The following CACNA1E variants were observed in gnomAD, a reference collection of about 807,000 sequenced individuals.
The protein encoded by CACNA1E is voltage-dependent R-type calcium channel subunit alpha-1E.
CACNA1E carries 40 observed loss-of-function variants against 259.2 expected under a neutral mutation model. The ratio of observed to expected loss-of-function variants is 0.15; its 90% confidence interval spans 0.12 to 0.20. CACNA1E has a LOEUF of 0.20. Ranked by LOEUF, CACNA1E falls within the 10% of genes least tolerant of loss-of-function variation. The pLI is 1.00. For missense variants in CACNA1E, 1,874 were observed against 3,040.1 expected (o/e 0.62, Z 9.02); for synonymous variants, 1,104 against 1,138.5 (o/e 0.97, Z 0.61).
intron 1 of CACNA1E, among the ~76,000 whole-genome samples, chr1:181,377,830 A>G (rs1655201504): frequency 6.6e-6 from 1 of 152,224 alleles, no homozygotes; most frequent in Non-Finnish European, 1.5e-5. Flanking sequence ...CCAATAAACA[A>G]ATACAATGAG....
At chr1:181,721,182 C>G (rs1306767768) in intron 15 of CACNA1E, among the ~76,000 whole-genome samples, 1 of 152,148 alleles carries the variant, frequency 6.6e-6, no homozygotes, top group Non-Finnish European at 1.5e-5. Context: ...ATCTTCTAAC[C>G]CATTTAATGA....
intron 6 of CACNA1E, among the ~76,000 whole-genome samples, chr1:181,581,980 A>G (rs1651589392): frequency 6.6e-6 from 1 of 152,242 alleles, no homozygotes; most frequent in African/African-American, 2.4e-5. Flanking sequence ...AGCTTTGGAT[A>G]TAATTTACAC....
intron 20 of CACNA1E, among the ~76,000 whole-genome samples, 157 bp downstream of exon 20, chr1:181,733,191 T>C (rs374418881): frequency 5.1e-4 from 78 of 152,334 alleles, no homozygotes; most frequent in African/African-American, 1.8e-3. Context: ...TAACAGGCAG[T>C]GGGCTCTGTC....
chr1:181,758,205 TG>T lies in CACNA1E; in HGVS notation c.4494+95del. ...ACACCCCAACATCCCAGCCCATCAC[TG>T]CTTTACCTACTTTTCCATCATTGAA... On this transcript the variant is annotated intron_variant, in intron 31 of 47. Transcript: ENST00000367573. This position sits in a 1 kb window ranked among gnomAD's most constrained non-coding sequence, Gnocchi z 4.2. The T allele has an allele frequency of 9.2e-7, 1 of 1,088,472 alleles. No homozygotes were observed. The highest frequency in any genetic ancestry group is 1.5e-5 in the South Asian group (1 of 68,112). The allele number at this position is 1,088,472 out of a possible 1,614,324, so 67.4% of individuals were successfully genotyped here.
intron 32 of CACNA1E, among the ~76,000 whole-genome samples, 195 bp downstream of exon 32, chr1:181,759,063 C>T (rs1018572573): frequency 6.6e-6 from 1 of 152,196 alleles, no homozygotes; most frequent in African/African-American, 2.4e-5. Context: ...GCAAAGGAAG[C>T]CACAGCCATC....
intron 1 of CACNA1E, among the ~76,000 whole-genome samples, chr1:181,493,912 G>A (rs1022815173): frequency 2.0e-5 from 3 of 152,336 alleles, no homozygotes; most frequent in African/African-American, 7.2e-5. Flanking sequence ...GAGCCACTCT[G>A]CACATTGCGC....
At chr1:181,388,670 C>T (rs141499110) in intron 1 of CACNA1E, among the ~76,000 whole-genome samples, 4,721 of 152,174 alleles carry the variant, frequency 0.031, 259 homozygotes, top group African/African-American at 0.11. Flanking sequence ...GGGTGGATCA[C>T]CTGAGGTCGG....
At chr1:181,709,819 A>G (rs1653159424) in intron 7 of CACNA1E, among the ~76,000 whole-genome samples, 2 of 152,022 alleles carry the variant, frequency 1.3e-5, no homozygotes, top group Non-Finnish European at 2.9e-5. Flanking sequence ...GATCACATTT[A>G]ATAAGTAGAA....
intron 1 of CACNA1E, among the ~76,000 whole-genome samples, chr1:181,395,688 G>T (rs888204878): frequency 3.3e-5 from 5 of 152,192 alleles, no homozygotes; most frequent in Non-Finnish European, 5.9e-5. Flanking sequence ...GTTAAGAGCG[G>T]CATGAGGGCC....
chr1:181,354,058 C>G (rs192537919), intron 1 of CACNA1E, among the ~76,000 whole-genome samples: 3 of 151,942 alleles, frequency 2.0e-5, no homozygotes, highest in African/African-American at 7.2e-5. Context: ...CTGGGACACA[C>G]AAATTGGAAT....
chr1:181,731,166 C>G lies in CACNA1E; in HGVS notation c.2241-9C>G. ...GGGTGAACTGAACCTGTCCATTTTTCTTCCCCAGAAGAGACAGAAGGAGAA... is the reference window on the plus strand; with the variant it reads ...GGGTGAACTGAACCTGTCCATTTTTGTTCCCCAGAAGAGACAGAAGGAGAA... On this transcript the variant is annotated splice_polypyrimidine_tract_variant and intron_variant, in intron 18 of 47. Transcript: ENST00000367573. 1 of 1,612,942 alleles carries G rather than the reference C, an allele frequency of 6.2e-7. No homozygotes were observed. Among genetic ancestry groups the G allele is most frequent in the Non-Finnish European group, 8.5e-7 (1 of 1,178,966 alleles).
chr1:181,624,452 C>T lies in CACNA1E; in HGVS notation c.952-26886C>T, dbSNP rs570000163. 3.2e-4 allele frequency among the ~76,000 whole-genome samples: 49 copies of T among 152,290 alleles called. No homozygotes were observed. The South Asian group carries it at 1.0e-2, about 31-fold the overall frequency. ...GTCAATCCTCTCAAACCCTGCTGCT[C>T]TTCTATCAACTAAGTTTATGTAATT... On this transcript the variant is annotated intron_variant, in intron 6 of 47. Transcript: ENST00000367573.
Position 181,719,699 on chromosome 1 carries a change from C to T in CACNA1E, c.1639-52C>T, listed in dbSNP as rs1654249648. Reference sequence around the variant, plus strand: ...ATGGTGTGCTGGGCGCTAGAATGCCCCCTCTTCTCCTCTTCCTCCTCCTCT... The same window carrying T: ...ATGGTGTGCTGGGCGCTAGAATGCCTCCTCTTCTCCTCTTCCTCCTCCTCT... On this transcript the variant is annotated intron_variant, in intron 12 of 47. Transcript: ENST00000367573. The T allele has an allele frequency of 2.6e-5, 26 of 984,560 alleles. No homozygotes were observed. In the South Asian group the frequency reaches 3.8e-4, roughly 14 times the overall value. 61.0% of individuals were successfully genotyped at this position (984,560 alleles called of 1,614,324 possible). A position where few individuals can be genotyped will look rare whatever the true frequency, so the allele number is the denominator to read the frequency against.
At chr1:181,505,170 G>C (rs1349356222) in intron 1 of CACNA1E, among the ~76,000 whole-genome samples, 1 of 152,116 alleles carries the variant, frequency 6.6e-6, no homozygotes, top group African/African-American at 2.4e-5. Flanking sequence ...GTTGGGATGG[G>C]TTTTTGTGTT....
Position 181,560,741 on chromosome 1 carries a change from A to C in CACNA1E, c.513-17025A>C, listed in dbSNP as rs569996872. On this transcript the variant is annotated intron_variant, in intron 3 of 47. Coordinates refer to ENST00000367573, the MANE Select transcript of CACNA1E (RefSeq NM_001205293.3). ...TCAGCAATTCCACTTCTGGGTATGT[A>C]CCCAAAGGAATTGAAAGCAGGGACT... Among the ~76,000 whole-genome samples, 162 of 152,358 alleles carry C rather than the reference A, an allele frequency of 1.1e-3. 1 individual carries two copies. Among genetic ancestry groups the C allele is most frequent in the African/African-American group, 3.8e-3 (156 of 41,578 alleles).
chr1:181,328,197 G>T (rs1419663915), intron 1 of CACNA1E, among the ~76,000 whole-genome samples: 1 of 152,166 alleles, frequency 6.6e-6, no homozygotes, highest in East Asian at 1.9e-4. Context: ...GTCGTGGTAA[G>T]GGCCTGTTTC....
At chr1:181,605,446 C>T (rs977983168) in intron 6 of CACNA1E, among the ~76,000 whole-genome samples, 1 of 151,462 alleles carries the variant, frequency 6.6e-6, no homozygotes, top group Admixed American at 6.6e-5. Flanking sequence ...CAAACACACA[C>T]GAGAAGAGTA....
At chr1:181,669,261 C>A (rs185758393) in intron 7 of CACNA1E, among the ~76,000 whole-genome samples, 3 of 152,236 alleles carry the variant, frequency 2.0e-5, no homozygotes, top group East Asian at 1.9e-4. Flanking sequence ...AAGAAAAGGT[C>A]CAAATTAATG....
intron 1 of CACNA1E, among the ~76,000 whole-genome samples, chr1:181,361,711 C>G (rs1240642368): frequency 1.3e-5 from 2 of 152,100 alleles, no homozygotes; most frequent in African/African-American, 4.8e-5. Context: ...ACTGTCACTG[C>G]TCTGTTTGTA....
Sources: allele counts gnomAD v4.1 joint callset (sites outside exome capture counted in the v4.1 genomes callset), GRCh38; gene constraint gnomAD v4.1.1; non-coding constraint Gnocchi (gnomAD v3.1); transcripts MANE v1.5; gene names NCBI Gene and HGNC (gene_info 2026-07-23, HGNC 2026-07-21).